MMP16: variants seen among roughly 807,000 people sequenced by gnomAD.
MMP16 encodes matrix metalloproteinase-16.
MMP16 carries 12 observed loss-of-function variants against 67.8 expected under a neutral mutation model. The ratio of observed to expected loss-of-function variants is 0.18; its 90% CI spans 0.11 to 0.29. The LOEUF (loss-of-function observed/expected upper bound fraction) is 0.29. Ranked by LOEUF, MMP16 falls within the 10% of genes least tolerant of loss-of-function variation. MMP16 has a pLI of 1.00. For synonymous variants in MMP16, 249 were observed against 255.9 expected (o/e 0.97, Z 0.26); for missense variants, 475 against 765.7 (o/e 0.62, Z 4.48).
intron 1 of MMP16, among the ~76,000 whole-genome samples, chr8:88,218,694 A>G (rs868724002): frequency 3.9e-5 from 6 of 152,182 alleles, no homozygotes; most frequent in Non-Finnish European, 7.4e-5. Context: ...AAATACAGGC[A>G]ATATTAATGA....
At chr8:88,140,004 A>G (rs1191257575) in intron 4 of MMP16, among the ~76,000 whole-genome samples, 3 of 152,166 alleles carry the variant, frequency 2.0e-5, no homozygotes, top group Admixed American at 1.3e-4. Flanking sequence ...ATCGTTTGCT[A>G]TATTTCCTTA....
chr8:88,268,567 A>G (rs1810515665), intron 1 of MMP16, among the ~76,000 whole-genome samples: 1 of 152,128 alleles, frequency 6.6e-6, no homozygotes, highest in African/African-American at 2.4e-5. Flanking sequence ...AAGAGATAAA[A>G]CAGAGGTTTT....
chr8:88,270,004 C>T (rs986056620), intron 1 of MMP16, among the ~76,000 whole-genome samples: 1 of 152,124 alleles, frequency 6.6e-6, no homozygotes, highest in African/African-American at 2.4e-5. Context: ...GTATACAGCA[C>T]CTTTTAACAC....
chr8:88,282,089 G>A (rs918756324), intron 1 of MMP16, among the ~76,000 whole-genome samples: 6 of 148,424 alleles, frequency 4.0e-5, no homozygotes, highest in East Asian at 3.9e-4. Context: ...TTTTGGGGGG[G>A]GGGGGGCGAC....
intron 6 of MMP16, among the ~76,000 whole-genome samples, chr8:88,112,313 G>A (rs1809350639): frequency 6.6e-6 from 1 of 151,366 alleles, no homozygotes; most frequent in South Asian, 2.1e-4. Flanking sequence ...ACTGTGTACT[G>A]AAATATGTTC....
chr8:88,192,609 T>C (rs1401862), intron 2 of MMP16, among the ~76,000 whole-genome samples: 100,029 of 152,078 alleles, frequency 0.66, 35,463 homozygotes, highest in Non-Finnish European at 0.82. Context: ...ATTAAGAACA[T>C]ATCTTTTATA....
At chr8:88,282,283 C>T (rs976077332) in intron 1 of MMP16, among the ~76,000 whole-genome samples, 1 of 152,142 alleles carries the variant, frequency 6.6e-6, no homozygotes, top group Admixed American at 6.6e-5. Flanking sequence ...CCATGTTGGT[C>T]AAGCTGGCCT....
intron 2 of MMP16, among the ~76,000 whole-genome samples, chr8:88,193,180 T>C (rs10099839): frequency 0.16 from 23,849 of 152,046 alleles, 2,014 homozygotes; most frequent in South Asian, 0.19. Flanking sequence ...TGTGAATGGA[T>C]AAAGAAAATA....
intron 4 of MMP16, among the ~76,000 whole-genome samples, chr8:88,160,656 G>T (rs1421615493): frequency 6.6e-6 from 1 of 152,080 alleles, no homozygotes; most frequent in East Asian, 1.9e-4. Context: ...AGGATGTGGA[G>T]AAATAGGAAC....
chr8:88,134,241 C>T (rs567199481), intron 4 of MMP16, among the ~76,000 whole-genome samples: 2 of 151,818 alleles, frequency 1.3e-5, no homozygotes, highest in East Asian at 3.9e-4. Flanking sequence ...CCCAGAGTCT[C>T]CCTTGGTCCA....
At chr8:88,061,154 A>T (rs1345599333) in intron 7 of MMP16, among the ~76,000 whole-genome samples, 1 of 151,092 alleles carries the variant, frequency 6.6e-6, no homozygotes, top group Non-Finnish European at 1.5e-5. Context: ...ACACACACAC[A>T]CACACACACA....
intron 1 of MMP16, among the ~76,000 whole-genome samples, chr8:88,241,076 G>GT (rs1339041072): frequency 5.9e-4 from 86 of 146,682 alleles, no homozygotes; most frequent in African/African-American, 1.8e-3. Context: ...ACTAAGTTTT[G>GT]TTTTGTTTTT....
At chr8:88,309,138 C>G (rs994534347) in intron 1 of MMP16, among the ~76,000 whole-genome samples, 1 of 151,990 alleles carries the variant, frequency 6.6e-6, no homozygotes, top group African/African-American at 2.4e-5. Context: ...ATTCCACTTC[C>G]AGAAATTTCG....
intron 6 of MMP16, among the ~76,000 whole-genome samples, chr8:88,114,667 G>A (rs372303294): frequency 2.0e-5 from 3 of 151,902 alleles, no homozygotes; most frequent in South Asian, 4.1e-4. Flanking sequence ...ATTAGAAGAT[G>A]TTATCTTCCA....
intron 6 of MMP16, among the ~76,000 whole-genome samples, chr8:88,078,959 C>T (rs1808699835): frequency 6.6e-6 from 1 of 152,162 alleles, no homozygotes; most frequent in Non-Finnish European, 1.5e-5. Context: ...CTGTCACCAT[C>T]CGAGTCCAAG....
At chr8:88,201,291 C>A (rs1422011771) in intron 1 of MMP16, among the ~76,000 whole-genome samples, 3 of 151,752 alleles carry the variant, frequency 2.0e-5, no homozygotes, top group African/African-American at 7.2e-5. Flanking sequence ...TTTATTTAAT[C>A]TGAAAAATCA....
chr8:88,322,319 C>A (rs1811472491), intron 1 of MMP16, among the ~76,000 whole-genome samples: 1 of 152,130 alleles, frequency 6.6e-6, no homozygotes, highest in African/African-American at 2.4e-5. Flanking sequence ...GTGAAAATCA[C>A]ATTCTTGAAC....
At chr8:88,075,596 TTTCCATTGAAA>T (rs1371218024) in intron 6 of MMP16, among the ~76,000 whole-genome samples, 1 of 152,166 alleles carries the variant, frequency 6.6e-6, no homozygotes, top group African/African-American at 2.4e-5. Flanking sequence ...ACTAAGTAGT[TTTCCATTGAAA>T]ATTTGAAATA....
intron 8 of MMP16, among the ~76,000 whole-genome samples, chr8:88,053,037 C>T (rs902376140): frequency 3.2e-4 from 48 of 152,320 alleles, no homozygotes; most frequent in Admixed American, 7.2e-4. Flanking sequence ...TCTTCATTAC[C>T]TAGCACATGT....
Sources: allele counts gnomAD v4.1 joint callset (sites outside exome capture counted in the v4.1 genomes callset), GRCh38; gene constraint gnomAD v4.1.1; transcripts MANE v1.5; gene names NCBI Gene and HGNC (gene_info 2026-07-23, HGNC 2026-07-21).